The following OR6N1 variants were observed in gnomAD, a reference collection of about 807,000 sequenced individuals.
The protein encoded by OR6N1 is olfactory receptor 6N1.
For missense variants in OR6N1, 394 were observed against 371.7 expected (o/e 1.06, Z -0.49); for synonymous variants, 170 against 150.7 (o/e 1.13, Z -0.94).
chr1:158,795,026 C>T, the OR6N1 span, among the ~76,000 whole-genome samples: 14 of 152,204 alleles, frequency 9.2e-5, no homozygotes, highest in Admixed American at 2.0e-4. Context: ...CAAAGCCAGG[C>T]GGGGGGCTGA....
the OR6N1 span, among the ~76,000 whole-genome samples, chr1:158,824,578 T>C: frequency 1.3e-5 from 2 of 152,116 alleles, no homozygotes; most frequent in African/African-American, 4.8e-5. Context: ...TCTAGGCCCA[T>C]TTGAATAACC....
chr1:158,775,464 C>T (rs945543998), upstream of OR6N1: 12 of 152,100 alleles, frequency 7.9e-5, no homozygotes, highest in Admixed American at 2.6e-4. Context: ...GGGAAGAATT[C>T]CGTTTATAGC....
chr1:158,786,730 A>G, the OR6N1 span, among the ~76,000 whole-genome samples: 3 of 152,224 alleles, frequency 2.0e-5, no homozygotes, highest in Admixed American at 2.0e-4. Context: ...CCATTATTCT[A>G]GTAACTTGGG....
the OR6N1 span, among the ~76,000 whole-genome samples, chr1:158,806,103 T>C: frequency 6.6e-6 from 1 of 152,330 alleles, no homozygotes; most frequent in Non-Finnish European, 1.5e-5. Flanking sequence ...AGAGTTTCTG[T>C]TGGGCCCATA....
At chr1:158,775,873 T>A (rs1374382558), upstream of OR6N1, 1 of 152,160 alleles carries the variant, frequency 6.6e-6, no homozygotes, top group Non-Finnish European at 1.5e-5. Flanking sequence ...TGGTTAGAAA[T>A]TTTAAGAAAT....
At chr1:158,840,008 C>T in the OR6N1 span, among the ~76,000 whole-genome samples, 2 of 152,158 alleles carry the variant, frequency 1.3e-5, no homozygotes, top group African/African-American at 2.4e-5. Flanking sequence ...AACTGATTCA[C>T]AGCACTTCAC....
chr1:158,770,942 T>C (rs192681573), intron 1 of OR6N1, among the ~76,000 whole-genome samples: 1 of 152,332 alleles, frequency 6.6e-6, no homozygotes, highest in East Asian at 1.9e-4. Flanking sequence ...CATTATTCTT[T>C]GTTTTGCTCT....
upstream of OR6N1, chr1:158,777,155 T>A: frequency 6.2e-7 from 1 of 1,614,048 alleles, no homozygotes; most frequent in Non-Finnish European, 8.5e-7. Context: ...GAGGCAAGGA[T>A]GACCTCAGAA....
chr1:158,834,403 T>C, the OR6N1 span, among the ~76,000 whole-genome samples: 1 of 152,086 alleles, frequency 6.6e-6, no homozygotes, highest in African/African-American at 2.4e-5. Context: ...CGGCTAATTT[T>C]TGTATTTTTA....
chr1:158,803,209 T>C, the OR6N1 span, among the ~76,000 whole-genome samples: 1 of 152,174 alleles, frequency 6.6e-6, no homozygotes, highest in Non-Finnish European at 1.5e-5. Flanking sequence ...ACGGAAAGTT[T>C]CTGAGCCAAA....
At chr1:158,796,299 T>A in the OR6N1 span, 1 of 152,358 alleles carries the variant, frequency 6.6e-6, no homozygotes, top group African/African-American at 2.4e-5. Context: ...TCAGTTATCT[T>A]TTTGTTAAGC....
chr1:158,832,578 A>G, the OR6N1 span, among the ~76,000 whole-genome samples: 2 of 151,214 alleles, frequency 1.3e-5, no homozygotes, highest in African/African-American at 4.8e-5. Context: ...ATGCTACTTT[A>G]TAAAGTAATA....
the OR6N1 span, among the ~76,000 whole-genome samples, chr1:158,824,584 T>C: frequency 6.6e-6 from 1 of 152,118 alleles, no homozygotes; most frequent in Non-Finnish European, 1.5e-5. Context: ...CCCATTTGAA[T>C]AACCAAAACA....
chr1:158,835,681 C>T, the OR6N1 span, among the ~76,000 whole-genome samples: 2 of 151,442 alleles, frequency 1.3e-5, no homozygotes, highest in African/African-American at 4.8e-5. Context: ...AAAAATCATC[C>T]TTGTCTTTTT....
chr1:158,796,963 T>C, the OR6N1 span, among the ~76,000 whole-genome samples: 1 of 152,054 alleles, frequency 6.6e-6, no homozygotes, highest in South Asian at 2.1e-4. Flanking sequence ...TTAGCAGGTG[T>C]TCAGAGTGCT....
the OR6N1 span, among the ~76,000 whole-genome samples, chr1:158,806,502 G>A: frequency 1.3e-5 from 2 of 152,154 alleles, no homozygotes; most frequent in Admixed American, 1.3e-4. Flanking sequence ...AACTGAGGTG[G>A]AGGGAATTTA....
chr1:158,834,397 T>A, the OR6N1 span, among the ~76,000 whole-genome samples: 1 of 152,114 alleles, frequency 6.6e-6, no homozygotes, highest in African/African-American at 2.4e-5. Flanking sequence ...CATGCCCGGC[T>A]AATTTTTGTA....
chr1:158,779,018 C>CAAAAAAAAAAAAAAAAAAAAAA, the OR6N1 span, among the ~76,000 whole-genome samples: 5 of 86,402 alleles, frequency 5.8e-5, no homozygotes, highest in African/African-American at 2.8e-4. Flanking sequence ...GACTGCGTCT[C>CAAAAAAAAAAAAAAAAAAAAAA]AAAAAAAAAA....
the OR6N1 span, among the ~76,000 whole-genome samples, chr1:158,816,803 G>A: frequency 1.4e-4 from 21 of 152,344 alleles, no homozygotes; most frequent in South Asian, 4.1e-4. Flanking sequence ...GATCTTACCC[G>A]TATGGGCCTA....
Sources: allele counts gnomAD v4.1 joint callset (sites outside exome capture counted in the v4.1 genomes callset), GRCh38; gene constraint gnomAD v4.1.1; transcripts MANE v1.5; gene names NCBI Gene and HGNC (gene_info 2026-07-23, HGNC 2026-07-21).